C3orf20: variants seen among roughly 807,000 people sequenced by gnomAD.
C3orf20 encodes the protein uncharacterized protein C3orf20.
Under a neutral mutation model 88.3 loss-of-function variants are expected in C3orf20, and 76 were observed. The ratio of observed to expected loss-of-function variants is 0.86; its 90% CI spans 0.72 to 1.04. The LOEUF is 1.04. Among genes scored for constraint, C3orf20 ranks in the 50% least tolerant of loss-of-function variants. C3orf20 has a pLI of 0.00. For synonymous variants in C3orf20, 436 were observed against 437.4 expected, an observed-to-expected ratio of 1.00 and a Z score of 0.04; for missense variants, 1,056 against 1,123.3, an observed-to-expected ratio of 0.94 and a Z score of 0.86.
rs373662392 is a variant in C3orf20, at chr3:14,761,439, T to C, written c.2353-34T>C. 487 of 1,613,758 alleles carry C rather than the reference T, an allele frequency of 3.0e-4. 2 individuals are homozygous for C. The highest frequency in any genetic ancestry group is 2.3e-3 in the South Asian group (205 of 91,074). On this transcript the variant is annotated intron_variant, in intron 14 of 16. Transcript: ENST00000253697. ...AGTGGACACTGCTGTGCTGATGTGC[T>C]GAGGATCTCTCCTCATTTCCTTCCT... is the stretch of plus-strand genomic sequence containing the variant.
At chr3:14,680,234 AAAAT>A (rs200200163) in intron 1 of C3orf20, among the ~76,000 whole-genome samples, 76 of 152,186 alleles carry the variant, frequency 5.0e-4, no homozygotes, top group African/African-American at 1.8e-3. Context: ...TAATAGCCAA[AAAAT>A]AAAAATAACC....
At chr3:14,759,679 C>T (rs961681414) in intron 13 of C3orf20, among the ~76,000 whole-genome samples, 21 of 152,078 alleles carry the variant, frequency 1.4e-4, no homozygotes, top group African/African-American at 5.1e-4. Context: ...TCTCCCCTAG[C>T]GGGCTCTAAT....
intron 12 of C3orf20, among the ~76,000 whole-genome samples, chr3:14,751,354 C>T (rs532705728): frequency 1.3e-5 from 2 of 152,294 alleles, no homozygotes; most frequent in South Asian, 2.1e-4. Flanking sequence ...ACCTGGTACT[C>T]CTCATTGGGA....
chr3:14,695,342 A>G (rs2032946004), intron 5 of C3orf20, among the ~76,000 whole-genome samples: 1 of 151,844 alleles, frequency 6.6e-6, no homozygotes, highest in Non-Finnish European at 1.5e-5. Context: ...CATTGTGGTC[A>G]GCGAAGATGG....
chr3:14,719,052 CCTTT>C (rs920244699), intron 9 of C3orf20, among the ~76,000 whole-genome samples: 4 of 152,086 alleles, frequency 2.6e-5, no homozygotes, highest in Non-Finnish European at 5.9e-5. Flanking sequence ...CCATGCTGCT[CCTTT>C]CTTTTGAATT....
intron 12 of C3orf20, among the ~76,000 whole-genome samples, chr3:14,748,597 T>C (rs1416866694): frequency 6.6e-6 from 1 of 152,212 alleles, no homozygotes; most frequent in Non-Finnish European, 1.5e-5. Context: ...CAGCTATAAA[T>C]ATTCCTGACT....
rs528704838 is a variant in C3orf20 at position 14,718,630 on chromosome 3, T to C, written c.1435-3023T>C. Among the ~76,000 whole-genome samples, 130 of 152,348 alleles carry C rather than the reference T, an allele frequency of 8.5e-4. No individual in the cohort carries two copies. The Middle Eastern group carries it at 0.014, about 16-fold the overall frequency. ...AATAATTTTGGACTGTAGGTGGACA[T>C]TGTGAATGTTATTTGGTGGAGTGTC... On this transcript the variant is annotated intron_variant, in intron 9 of 16. Coordinates refer to ENST00000253697, the MANE Select transcript of C3orf20 (RefSeq NM_032137.5).
At chr3:14,751,420 C>T (rs566287442) in intron 12 of C3orf20, among the ~76,000 whole-genome samples, 73 of 152,154 alleles carry the variant, frequency 4.8e-4, no homozygotes, top group Middle Eastern at 3.2e-3. Context: ...GGCAGGGTGT[C>T]GCCTCACCCA....
rs1338241030 is a variant in C3orf20, at chr3:14,682,750, C to A, written c.37C>A (p.Gln13Lys). ...YIKSNLELYQ[Q>K]YTAMAPKLLA... ...CAAGAGTAACCTAGAATTATATCAGCAATACACAGCCATGGCCCCCAAGCT... is the reference window on the plus strand; with the variant it reads ...CAAGAGTAACCTAGAATTATATCAGAAATACACAGCCATGGCCCCCAAGCT... Residue 13 changes from glutamine to lysine, a missense_variant, in exon 3 of 17, where the codon CAA (glutamine) becomes AAA (lysine). Physicochemically the swap from Gln to Lys is moderately conservative, Grantham distance 53. Transcript: ENST00000253697. 6.2e-7 allele frequency: 1 copy of A among 1,613,678 alleles called. No individual in the cohort carries two copies. Among genetic ancestry groups the A allele is most frequent in the Non-Finnish European group, 8.5e-7 (1 of 1,179,808 alleles).
chr3:14,725,510 A>G (rs1239834000), intron 10 of C3orf20, among the ~76,000 whole-genome samples: 1 of 152,212 alleles, frequency 6.6e-6, no homozygotes, highest in African/African-American at 2.4e-5. Flanking sequence ...TAAATGCTTT[A>G]TTAGCCCAGT....
At chr3:14,750,297 C>T (rs565648569) in intron 12 of C3orf20, among the ~76,000 whole-genome samples, 3 of 152,160 alleles carry the variant, frequency 2.0e-5, no homozygotes, top group Non-Finnish European at 2.9e-5. Context: ...TGCCTATAAT[C>T]CCAGCACTTT....
At chr3:14,690,193 G>T in intron 5 of C3orf20, 77 bp downstream of exon 5, 3 of 1,593,530 alleles carry the variant, frequency 1.9e-6, no homozygotes, top group Non-Finnish European at 2.6e-6. Context: ...TCTACCCTGT[G>T]TAGGTTGGTG....
At chr3:14,761,225 C>T (rs549036882) in intron 14 of C3orf20, among the ~76,000 whole-genome samples, 3 of 146,556 alleles carry the variant, frequency 2.0e-5, no homozygotes, top group African/African-American at 7.9e-5. Flanking sequence ...AAACCCCTGA[C>T]CAGGCCCCCA....
At chr3:14,738,822 T>TTTG (rs1279948489) in intron 12 of C3orf20, among the ~76,000 whole-genome samples, 4 of 146,546 alleles carry the variant, frequency 2.7e-5, no homozygotes, top group South Asian at 2.2e-4. Context: ...TTTGTTTTTT[T>TTTG]TTTTTTTTTT....
Position 14,772,858 on chromosome 3 carries a change from C to A in C3orf20, c.2698C>A (p.Gln900Lys). Residue 900 changes from glutamine (Q) to lysine (K), a missense_variant, in exon 17 of 17, where the codon CAG (glutamine) becomes AAG (lysine). Transcript: ENST00000253697. The surrounding 1 kb of genome is among the most constrained non-coding windows in gnomAD (Gnocchi z 4.2). ...RDSKITSWKK[Q>K]ASKK ...CAGCAAGATAACTAGTTGGAAGAAGCAGGCCTCCAAGAAGTAGCGCCATCC... is the reference window on the plus strand; with the variant it reads ...CAGCAAGATAACTAGTTGGAAGAAGAAGGCCTCCAAGAAGTAGCGCCATCC... 1 of 1,613,846 alleles carries A rather than the reference C, an allele frequency of 6.2e-7. No individual in the cohort carries two copies. The highest frequency in any genetic ancestry group is 1.1e-5 in the South Asian group (1 of 91,068).
intron 15 of C3orf20, chr3:14,767,194 C>T (rs1443873669): frequency 6.6e-6 from 1 of 152,408 alleles, no homozygotes; most frequent in Non-Finnish European, 1.5e-5. Context: ...TCACAAGTGT[C>T]TGGGGTGGAG....
intron 5 of C3orf20, 72 bp downstream of exon 5, chr3:14,690,188 C>T: frequency 1.9e-6 from 3 of 1,601,596 alleles, no homozygotes; most frequent in South Asian, 1.1e-5. Context: ...TTCCGTCTAC[C>T]CTGTGTAGGT....
chr3:14,677,181 G>A (rs1166379376), intron 1 of C3orf20, among the ~76,000 whole-genome samples: 5 of 152,182 alleles, frequency 3.3e-5, no homozygotes, highest in African/African-American at 4.8e-5. Flanking sequence ...AGAACACCGT[G>A]ACCAGATAAC....
chr3:14,772,310 C>G lies in C3orf20; in HGVS notation c.2630+109C>G. The G allele has an allele frequency of 8.0e-6, 11 of 1,383,034 alleles. No individual in the cohort carries two copies. Among genetic ancestry groups the G allele is most frequent in the South Asian group, 1.3e-5 (1 of 78,996 alleles). 85.7% of individuals were successfully genotyped at this position (1,383,034 alleles called of 1,614,324 possible). On this transcript the variant is annotated intron_variant, in intron 16 of 16. Transcript: ENST00000253697. The surrounding 1 kb of genome is among the most constrained non-coding windows in gnomAD (Gnocchi z 4.2). ...CCCCAGGCGTGGCCTGGGTCATGTC[C>G]AACCATCGCTGACATCTAGCCCATG...
Sources: allele counts gnomAD v4.1 joint callset (sites outside exome capture counted in the v4.1 genomes callset), GRCh38; gene constraint gnomAD v4.1.1; non-coding constraint Gnocchi (gnomAD v3.1); transcripts MANE v1.5; gene names NCBI Gene and HGNC (gene_info 2026-07-23, HGNC 2026-07-21).